Variants in HMG20A observed in about 807,000 individuals in gnomAD.
The protein encoded by HMG20A is high mobility group 20A, also known as high mobility group protein 20A.
HMG20A carries 17 observed loss-of-function variants against 43.9 expected under a neutral mutation model. That is an observed-to-expected ratio of 0.39 (90% confidence interval 0.27 to 0.58). The LOEUF (loss-of-function observed/expected upper bound fraction) is 0.58. Among genes scored for constraint, HMG20A ranks in the 20% least tolerant of loss-of-function variants. The pLI is 0.59. For synonymous variants in HMG20A, 132 were observed against 147.5 expected (o/e 0.89, Z 0.76); for missense variants, 341 against 438.2 (o/e 0.78, Z 1.98).
intron 5 of HMG20A, among the ~76,000 whole-genome samples, chr15:77,471,503 A>G (rs2072808057): frequency 6.6e-6 from 1 of 152,204 alleles, no homozygotes; most frequent in Admixed American, 6.5e-5. Flanking sequence ...TTGTATAAGT[A>G]GTCTTTGGTT....
chr15:77,519,029 T>A, the HMG20A span, among the ~76,000 whole-genome samples: 1 of 152,162 alleles, frequency 6.6e-6, no homozygotes, highest in Non-Finnish European at 1.5e-5. Context: ...TATACCCCAT[T>A]TCCTTTTAGA....
At chr15:77,447,769 C>T (rs186889163) in intron 1 of HMG20A, 2 of 152,270 alleles carry the variant, frequency 1.3e-5, no homozygotes, top group East Asian at 3.9e-4. Flanking sequence ...AGCAAAGCTA[C>T]ACATCACTTG....
intron 1 of HMG20A, among the ~76,000 whole-genome samples, chr15:77,456,531 A>C (rs1010716782): frequency 1.3e-5 from 2 of 151,608 alleles, no homozygotes; most frequent in African/African-American, 4.8e-5. Flanking sequence ...AAATACAAAA[A>C]TTAGCTGGTG....
chr15:77,487,449 C>A (rs2072951366), downstream of HMG20A, among the ~76,000 whole-genome samples: 1 of 152,200 alleles, frequency 6.6e-6, no homozygotes, highest in South Asian at 2.1e-4. Flanking sequence ...TGACCATGTA[C>A]TTCCGTGATA....
chr15:77,437,556 A>G (rs1210020780), intron 1 of HMG20A, among the ~76,000 whole-genome samples: 1 of 152,004 alleles, frequency 6.6e-6, no homozygotes, highest in African/African-American at 2.4e-5. Flanking sequence ...ACCTACCCAC[A>G]TTTTTTAGAT....
chr15:77,504,849 A>G, the HMG20A span, among the ~76,000 whole-genome samples: 2 of 152,180 alleles, frequency 1.3e-5, no homozygotes, highest in Admixed American at 6.5e-5. Context: ...CCAACTTCAG[A>G]TAAGTTTCTA....
intron 4 of HMG20A, among the ~76,000 whole-genome samples, chr15:77,469,798 G>T (rs2072790402): frequency 6.6e-6 from 1 of 152,140 alleles, no homozygotes. Flanking sequence ...TTCCCAAGTA[G>T]CTGGGACTAC....
chr15:77,488,723 T>C (rs1310857706), downstream of HMG20A, among the ~76,000 whole-genome samples: 2 of 152,224 alleles, frequency 1.3e-5, no homozygotes, highest in African/African-American at 2.4e-5. Context: ...AAGTTCACTT[T>C]TGATTCATTC....
chr15:77,493,171 A>T, the HMG20A span, among the ~76,000 whole-genome samples: 2 of 152,166 alleles, frequency 1.3e-5, no homozygotes, highest in African/African-American at 4.8e-5. Flanking sequence ...ACTTAAGTAG[A>T]TGTGATGTTG....
At chr15:77,519,689 A>C in the HMG20A span, among the ~76,000 whole-genome samples, 6 of 152,290 alleles carry the variant, frequency 3.9e-5, no homozygotes, top group African/African-American at 1.4e-4. Context: ...AGCTTTCAGA[A>C]CTGCAAGCAA....
chr15:77,456,634 CAAAAA>C (rs34114445), intron 1 of HMG20A, among the ~76,000 whole-genome samples: 984 of 95,384 alleles, frequency 0.01, 16 homozygotes, highest in African/African-American at 0.038. Context: ...GCGAGACTGT[CAAAAA>C]AAAAAAAAAA....
intron 1 of HMG20A, among the ~76,000 whole-genome samples, chr15:77,435,036 C>T (rs1212448202): frequency 1.3e-5 from 2 of 151,968 alleles, no homozygotes; most frequent in Non-Finnish European, 2.9e-5. Context: ...AGCATAATAT[C>T]GAGCAAAAGA....
chr15:77,441,793 T>A (rs901572421), intron 1 of HMG20A, among the ~76,000 whole-genome samples: 4 of 152,184 alleles, frequency 2.6e-5, no homozygotes, highest in African/African-American at 7.2e-5. Flanking sequence ...ATTTATCAAC[T>A]TTGTCTTTTA....
At chr15:77,428,490 A>G (rs934176800) in intron 1 of HMG20A, among the ~76,000 whole-genome samples, 5 of 152,258 alleles carry the variant, frequency 3.3e-5, no homozygotes, top group Admixed American at 2.6e-4. Context: ...CATTCAAAGC[A>G]TATCAGCAAA....
chr15:77,445,812 T>G (rs1161130367), intron 1 of HMG20A, among the ~76,000 whole-genome samples: 2 of 152,084 alleles, frequency 1.3e-5, no homozygotes, highest in African/African-American at 4.8e-5. Flanking sequence ...AAGGGGAGGA[T>G]TCACATCCTG....
At chr15:77,438,859 C>T (rs1199938833) in intron 1 of HMG20A, among the ~76,000 whole-genome samples, 1 of 152,064 alleles carries the variant, frequency 6.6e-6, no homozygotes, top group East Asian at 1.9e-4. Context: ...GGCGTGATCT[C>T]GGCTCACTGC....
the HMG20A span, among the ~76,000 whole-genome samples, chr15:77,497,838 AT>A: frequency 3.3e-3 from 464 of 142,576 alleles, no homozygotes; most frequent in African/African-American, 8.1e-3. Context: ...AAGATTTTTA[AT>A]TTTTTTTTTT....
intron 9 of HMG20A, 22 bp downstream of exon 9, chr15:77,479,343 T>C (rs777744958): frequency 1.4e-5 from 23 of 1,607,674 alleles, no homozygotes; most frequent in Admixed American, 1.7e-5. Flanking sequence ...CTGATAAATA[T>C]TTATATGCCA....
chr15:77,471,742 C>T, intron 5 of HMG20A, 41 bp from the exon 6 acceptor site: 3 of 1,432,798 alleles, frequency 2.1e-6, no homozygotes, highest in Non-Finnish European at 2.9e-6. Flanking sequence ...TTATTGCTTT[C>T]TTTTTAAATG....
Sources: allele counts gnomAD v4.1 joint callset (sites outside exome capture counted in the v4.1 genomes callset), GRCh38; gene constraint gnomAD v4.1.1; transcripts MANE v1.5; gene names NCBI Gene and HGNC (gene_info 2026-07-23, HGNC 2026-07-21).